The following PHKA1 variants were observed in gnomAD, a reference collection of about 807,000 sequenced individuals.
The protein encoded by PHKA1 is phosphorylase b kinase regulatory subunit alpha, skeletal muscle isoform.
A neutral mutation model predicts 110.2 loss-of-function variants in PHKA1; 60 were observed. That is an observed-to-expected ratio of 0.54 (90% CI 0.44 to 0.68). PHKA1 has a LOEUF of 0.68. Among genes scored for constraint, PHKA1 ranks in the 30% least tolerant of loss-of-function variants. PHKA1 has a pLI of 0.00. For missense variants in PHKA1, 801 were observed against 942.5 expected (o/e 0.85, Z 1.97); for synonymous variants, 316 against 333.6 (o/e 0.95, Z 0.58).
chrX:72,585,270 T>C (rs1445587841), intron 29 of PHKA1, among the ~76,000 whole-genome samples: 1 of 111,440 alleles, frequency 9.0e-6, no homozygotes, highest in African/African-American at 3.3e-5. Flanking sequence ...ATTAATTTCA[T>C]GGCACTCCAA....
intron 6 of PHKA1, among the ~76,000 whole-genome samples, chrX:72,669,215 G>T (rs2053649340): frequency 9.0e-6 from 1 of 110,883 alleles, no homozygotes; most frequent in Non-Finnish European, 1.9e-5. Flanking sequence ...CCCAGTGGTG[G>T]TCCTGCCCTA....
intron 16 of PHKA1, among the ~76,000 whole-genome samples, chrX:72,633,915 T>C (rs947345888): frequency 8.9e-6 from 1 of 111,997 alleles, no homozygotes; most frequent in African/African-American, 3.2e-5. Flanking sequence ...GAGAACTTCA[T>C]TCTCCTCTCA....
At chrX:72,679,403 T>C (rs1404536136) in intron 5 of PHKA1, among the ~76,000 whole-genome samples, 2 of 109,529 alleles carry the variant, frequency 1.8e-5, no homozygotes, top group Non-Finnish European at 3.8e-5. Context: ...ATAAGATTCA[T>C]GATGTCTTTC....
chrX:72,620,794 G>A lies in PHKA1; in HGVS notation c.2068C>T (p.Gln690Ter). ...TSQKGGLDRF[Q>*]AAVQTTCDLM... Reference sequence around the variant, plus strand: ...TCGCAGGTTGTTTGCACAGCAGCTTGGAACCGATCTAGCCCTCCCTTCTGT... The same window carrying A: ...TCGCAGGTTGTTTGCACAGCAGCTTAGAACCGATCTAGCCCTCCCTTCTGT... The change falls in exon 19 of 32, where the codon CAA (glutamine) becomes TAA (stop). Residue 690 changes from glutamine (Q) to a stop codon, truncating the protein, a stop_gained. Transcript: ENST00000373542. LOFTEE classifies it high-confidence loss of function. 1 of 1,210,639 alleles carries A rather than the reference G, an allele frequency of 8.3e-7. No individual in the cohort carries two copies. Among genetic ancestry groups the A allele is most frequent in the Non-Finnish European group, 1.1e-6 (1 of 895,074 alleles).
chrX:72,599,843 A>G, intron 28 of PHKA1: 1 of 551,773 alleles, frequency 1.8e-6, no homozygotes. Flanking sequence ...TCAAATCTAT[A>G]CCCAGGGGAT....
chrX:72,590,986 T>C (rs1225763696), intron 29 of PHKA1, among the ~76,000 whole-genome samples: 3 of 111,921 alleles, frequency 2.7e-5, no homozygotes, highest in African/African-American at 9.7e-5. Context: ...AGTTCAACCA[T>C]TGTGGAAGAC....
chrX:72,693,409 G>A (rs186123145), intron 4 of PHKA1, among the ~76,000 whole-genome samples: 1 of 111,825 alleles, frequency 8.9e-6, no homozygotes, highest in East Asian at 2.8e-4. Context: ...AATTCCTTTG[G>A]GAAAAGCTAC....
In PHKA1 at chrX:72,580,932, G is replaced by T; in HGVS notation, c.*70C>A. 1.0e-6 allele frequency: 1 copy of T among 974,681 alleles called. No individual in the cohort carries two copies. The highest frequency in any genetic ancestry group is 1.4e-6 in the Non-Finnish European group (1 of 690,408). 80.3% of individuals were successfully genotyped at this position (974,681 alleles called of 1,213,427 possible). The stretch of plus-strand genomic sequence containing the variant: ...GGAGTGATTAGGCAATAACATTTTA[G>T]TTCCATGCACAATCAACCGAGGCAG... On this transcript the variant is annotated 3_prime_UTR_variant, in exon 32 of 32. Coordinates refer to ENST00000373542, the MANE Select transcript of PHKA1 (RefSeq NM_002637.4).
chrX:72,707,437 C>A (rs943318207), intron 2 of PHKA1, among the ~76,000 whole-genome samples: 11 of 111,630 alleles, frequency 9.9e-5, no homozygotes, highest in Non-Finnish European at 1.7e-4. Context: ...TAAATCAGTA[C>A]CTATAGTACC....
chrX:72,592,728 G>C (rs1244306052), intron 29 of PHKA1, among the ~76,000 whole-genome samples: 6 of 112,214 alleles, frequency 5.3e-5, no homozygotes, highest in Admixed American at 2.8e-4. Flanking sequence ...TTACTCTACT[G>C]ATAGCACGTT....
At chrX:72,640,568 T>C (rs781993740) in intron 14 of PHKA1, among the ~76,000 whole-genome samples, 3 of 112,226 alleles carry the variant, frequency 2.7e-5, no homozygotes, top group African/African-American at 9.7e-5. Context: ...ATGTTTGTAC[T>C]TATTTTATTT....
chrX:72,621,211 G>A (rs186444851), intron 18 of PHKA1, among the ~76,000 whole-genome samples: 1 of 111,821 alleles, frequency 8.9e-6, no homozygotes, highest in Admixed American at 9.5e-5. Context: ...GTATTTGTGT[G>A]TGTGCATGTG....
rs187822826 is a variant in PHKA1, at chrX:72,596,992, C to T, written c.3073-3718G>A. Among the ~76,000 whole-genome samples the T allele has an allele frequency of 3.3e-3, 364 of 111,864 alleles. 1 individual carries two copies. Among genetic ancestry groups the T allele is most frequent in the African/African-American group, 0.011 (351 of 30,829 alleles). Reference sequence around the variant, plus strand: ...GGTCAATTAATTTTCAACAAGGACGCCAAGATAATTAAATGAGGGAAAAAT... The same window carrying T: ...GGTCAATTAATTTTCAACAAGGACGTCAAGATAATTAAATGAGGGAAAAAT... On this transcript the variant is annotated intron_variant, in intron 28 of 31. Coordinates refer to ENST00000373542, the MANE Select transcript of PHKA1 (RefSeq NM_002637.4).
rs139998281 is a variant in PHKA1, at chrX:72,701,766, C to T, written c.285+3432G>A. 2.0e-3 allele frequency among the ~76,000 whole-genome samples: 223 copies of T among 111,895 alleles called. 7 individuals are homozygous for T. The East Asian group carries it at 0.054, about 27-fold the overall frequency. ...TTCCTCCTATGGAACAAAATTCCAT[C>T]AAAGCCCATTTAAAAGCCTATGTAA... On this transcript the variant is annotated intron_variant, in intron 3 of 31. Coordinates refer to ENST00000373542, the MANE Select transcript of PHKA1 (RefSeq NM_002637.4).
At chrX:72,666,683 T>C (rs1284857281) in intron 7 of PHKA1, among the ~76,000 whole-genome samples, 5 of 111,982 alleles carry the variant, frequency 4.5e-5, no homozygotes, top group African/African-American at 1.6e-4. Flanking sequence ...TGTTGCTCCA[T>C]TAGCAACTAC....
intron 18 of PHKA1, among the ~76,000 whole-genome samples, chrX:72,621,524 G>A (rs190482859): frequency 6.3e-5 from 7 of 111,557 alleles, no homozygotes; most frequent in African/African-American, 2.3e-4. Flanking sequence ...ATATCCTGTG[G>A]AAGCTTAATA....
chrX:72,677,382 A>G (rs1251433893), intron 5 of PHKA1, among the ~76,000 whole-genome samples: 1 of 111,829 alleles, frequency 8.9e-6, no homozygotes, highest in Non-Finnish European at 1.9e-5. Context: ...ATTAATAAAT[A>G]TCTTGAGAGA....
intron 16 of PHKA1, among the ~76,000 whole-genome samples, chrX:72,633,389 A>G (rs1011437840): frequency 4.5e-5 from 5 of 111,546 alleles, no homozygotes; most frequent in African/African-American, 1.6e-4. Context: ...GCAACAAGGC[A>G]CCATCTTAGA....
rs1301752427 is a variant in PHKA1 at position 72,580,851 on chromosome X, G to T, written c.*151C>A. On this transcript the variant is annotated 3_prime_UTR_variant, in exon 32 of 32. Coordinates refer to ENST00000373542, the MANE Select transcript of PHKA1 (RefSeq NM_002637.4). The stretch of plus-strand genomic sequence containing the variant: ...GTGTTCACTTCTTCTACAGTAGTTA[G>T]TTTATCGAAAAAGTTCTCTCTTCTT... 7.5e-6 allele frequency: 4 copies of T among 532,476 alleles called. No individual in the cohort carries two copies. The highest frequency in any genetic ancestry group is 1.3e-5 in the Non-Finnish European group (4 of 306,566). 43.9% of individuals were successfully genotyped at this position (532,476 alleles called of 1,213,427 possible).
Sources: gnomAD v4.1 joint callset for allele counts (sites outside exome capture counted in the v4.1 genomes callset) on GRCh38, gnomAD v4.1.1 for gene constraint, MANE v1.5 for transcripts, NCBI Gene and HGNC (gene_info 2026-07-23, HGNC 2026-07-21) for gene names.